The following CTNNA2 variants were observed in gnomAD, a reference collection of about 807,000 sequenced individuals.
CTNNA2 encodes the protein catenin alpha 2, also known as catenin alpha-2.
CTNNA2 carries 42 observed loss-of-function variants against 101.0 expected under a neutral mutation model. That is an observed-to-expected ratio of 0.42 (90% confidence interval 0.32 to 0.54). The LOEUF (loss-of-function observed/expected upper bound fraction) is 0.54. CTNNA2 is among the 20% of genes least tolerant of loss of function. CTNNA2 has a pLI of 0.14. For missense variants in CTNNA2, 871 were observed against 1,223.1 expected, an observed-to-expected ratio of 0.71 and a Z score of 4.29; for synonymous variants, 450 against 456.4, an observed-to-expected ratio of 0.99 and a Z score of 0.18.
chr2:80,096,164 C>A (rs1700137300), intron 7 of CTNNA2, among the ~76,000 whole-genome samples: 1 of 152,062 alleles, frequency 6.6e-6, no homozygotes, highest in Non-Finnish European at 1.5e-5. Context: ...TCCCTCTACA[C>A]ACTGCTTTGA....
rs368835306 is a variant in CTNNA2 at position 79,358,579 on chromosome 2, A to T, written c.-317-15252A>T. ...TTAGTTGGAAATTTTCTCTTAAAAC[A>T]GCAACAAAGAACCTAAAAAGGAGGA... On this transcript the variant is annotated intron_variant, in intron 3 of 21. Transcript: ENST00000466387. Among the ~76,000 whole-genome samples, 7 of 152,208 alleles carry T rather than the reference A, an allele frequency of 4.6e-5. No individual in the cohort carries two copies. The East Asian group carries it at 9.6e-4, about 21-fold the overall frequency.
chr2:79,518,881 T>G (rs933876969), intron 1 of CTNNA2, among the ~76,000 whole-genome samples: 1 of 95,712 alleles, frequency 1.0e-5, no homozygotes, highest in African/African-American at 4.3e-5. Flanking sequence ...ACAAAATATG[T>G]TTTTTTTTTC....
intron 1 of CTNNA2, among the ~76,000 whole-genome samples, chr2:79,639,663 A>G (rs1573543754): frequency 6.6e-6 from 1 of 152,162 alleles, no homozygotes; most frequent in African/African-American, 2.4e-5. Context: ...TGACTTGGTT[A>G]TAATTTGAGG....
chr2:79,795,945 G>A (rs1675662960), intron 3 of CTNNA2, among the ~76,000 whole-genome samples: 1 of 152,126 alleles, frequency 6.6e-6, no homozygotes, highest in South Asian at 2.1e-4. Context: ...GTTCCGTTTT[G>A]TTATGAGGAC....
At position 79,888,468 on chromosome 2, in the gene CTNNA2, C is replaced by A. The variant is rs77494981; in HGVS notation, c.852+14126C>A. Among the ~76,000 whole-genome samples the A allele has an allele frequency of 6.5e-4, 98 of 151,798 alleles. No homozygotes were observed. The East Asian group carries it at 0.018, about 28-fold the overall frequency. On this transcript the variant is annotated intron_variant, in intron 6 of 18. Coordinates refer to ENST00000402739, the MANE Select transcript of CTNNA2 (RefSeq NM_001282597.3). ...ATCTAGGAGTATTTTCTGATAGAATCATTTACCTTTCAATTTTTTTACTTG... is the reference window on the plus strand; with the variant it reads ...ATCTAGGAGTATTTTCTGATAGAATAATTTACCTTTCAATTTTTTTACTTG...
chr2:79,251,108 G>T (rs1674765466), intron 2 of CTNNA2, among the ~76,000 whole-genome samples: 1 of 152,146 alleles, frequency 6.6e-6, no homozygotes, highest in South Asian at 2.1e-4. Context: ...GTACAGTTCA[G>T]TTCAGCTCAG....
chr2:79,459,663 A>T (rs1670857827), intron 4 of CTNNA2, among the ~76,000 whole-genome samples: 2 of 152,154 alleles, frequency 1.3e-5, no homozygotes, highest in African/African-American at 4.8e-5. Context: ...GGCAGCTCTG[A>T]TTACAAAGAC....
chr2:80,296,143 C>T (rs1675720982), intron 7 of CTNNA2, among the ~76,000 whole-genome samples: 1 of 152,012 alleles, frequency 6.6e-6, no homozygotes, highest in African/African-American at 2.4e-5. Flanking sequence ...CAATGTGTAA[C>T]AATTGCATCA....
At position 79,834,366 on chromosome 2, in the gene CTNNA2, T is replaced by A. The variant is rs1679154073; in HGVS notation, c.299-23647T>A. On this transcript the variant is annotated intron_variant, in intron 3 of 18. Coordinates refer to ENST00000402739, the MANE Select transcript of CTNNA2 (RefSeq NM_001282597.3). ...AGTAGTAGATATTCTCTGAAGTAGT[T>A]GTAACCATGTACACTCCTCCCAGTA... is the stretch of plus-strand genomic sequence containing the variant. 2.0e-5 allele frequency among the ~76,000 whole-genome samples: 3 copies of A among 152,146 alleles called. No individual in the cohort carries two copies. In the South Asian group the frequency reaches 6.2e-4, roughly 32 times the overall value.
At position 80,266,759 on chromosome 2, in the gene CTNNA2, G is replaced by A. The variant is rs577611254; in HGVS notation, c.1057-126452G>A. On this transcript the variant is annotated intron_variant, in intron 7 of 18. Coordinates refer to ENST00000402739, the MANE Select transcript of CTNNA2 (RefSeq NM_001282597.3). ...ACTGAGCTGGACTGCAAAGTATACC[G>A]AGGGAATGAGCCGCTTATGCAGAAT... is the stretch of plus-strand genomic sequence containing the variant. Among the ~76,000 whole-genome samples the A allele has an allele frequency of 4.6e-5, 7 of 152,218 alleles. No homozygotes were observed. The East Asian group carries it at 5.8e-4, about 13-fold the overall frequency.
intron 7 of CTNNA2, among the ~76,000 whole-genome samples, chr2:80,062,447 T>G (rs1344036677): frequency 6.6e-6 from 1 of 152,200 alleles, no homozygotes; most frequent in Non-Finnish European, 1.5e-5. Flanking sequence ...CTTCTTGAAG[T>G]GACAATTTAG....
chr2:80,553,979 T>G, intron 11 of CTNNA2, among the ~76,000 whole-genome samples: 1 of 152,276 alleles, frequency 6.6e-6, no homozygotes, highest in Non-Finnish European at 1.5e-5. Flanking sequence ...ATACTAAAAT[T>G]TAAACGTTTC....
intron 9 of CTNNA2, among the ~76,000 whole-genome samples, chr2:80,516,106 G>T (rs1193533408): frequency 2.0e-5 from 3 of 152,198 alleles, no homozygotes; most frequent in African/African-American, 7.2e-5. Context: ...CCCTGAGGCA[G>T]AGTGTGTGAA....
chr2:79,504,056 G>A (rs1447324679), intron 4 of CTNNA2, among the ~76,000 whole-genome samples: 1 of 152,176 alleles, frequency 6.6e-6, no homozygotes, highest in Non-Finnish European at 1.5e-5. Context: ...TAAGGACTCA[G>A]ACCTTCAGCA....
intron 2 of CTNNA2, among the ~76,000 whole-genome samples, chr2:79,655,179 C>T (rs1360639788): frequency 6.6e-6 from 1 of 152,096 alleles, no homozygotes; most frequent in Admixed American, 6.6e-5. Flanking sequence ...TCTGCCAGAT[C>T]AGTTAAAAAG....
chr2:79,849,223 G>A (rs1449868896), intron 3 of CTNNA2, among the ~76,000 whole-genome samples: 1 of 151,582 alleles, frequency 6.6e-6, no homozygotes, highest in Non-Finnish European at 1.5e-5. Context: ...TTGGTAGAAA[G>A]ACAAAGGGAC....
At chr2:79,419,434 C>T (rs749387726) in intron 4 of CTNNA2, among the ~76,000 whole-genome samples, 3 of 151,994 alleles carry the variant, frequency 2.0e-5, no homozygotes, top group Non-Finnish European at 4.4e-5. Context: ...AATTACTACA[C>T]TAATGCAAAG....
intron 2 of CTNNA2, among the ~76,000 whole-genome samples, chr2:79,251,368 TCA>T (rs1674769222): frequency 6.6e-6 from 1 of 152,182 alleles, no homozygotes; most frequent in African/African-American, 2.4e-5. Context: ...GGCAGAGCCC[TCA>T]GAGGACCACA....
At chr2:79,294,518 A>G (rs1165641176) in intron 2 of CTNNA2, among the ~76,000 whole-genome samples, 1 of 152,124 alleles carries the variant, frequency 6.6e-6, no homozygotes, top group African/African-American at 2.4e-5. Context: ...CATAGCAAGT[A>G]TTCAAAATCT....
Sources: allele counts gnomAD v4.1 joint callset (sites outside exome capture counted in the v4.1 genomes callset), GRCh38; gene constraint gnomAD v4.1.1; transcripts MANE v1.5; gene names NCBI Gene and HGNC (gene_info 2026-07-23, HGNC 2026-07-21).